The following DMXL1 variants were observed in gnomAD, a reference collection of about 807,000 sequenced individuals.
The protein encoded by DMXL1 is dmX-like protein 1.
DMXL1 carries 99 observed loss-of-function variants against 319.2 expected under a neutral mutation model. The ratio of observed to expected loss-of-function variants is 0.31; its 90% CI spans 0.26 to 0.37. The LOEUF is 0.37. Ranked by LOEUF, DMXL1 falls within the 10% of genes least tolerant of loss-of-function variation. The probability of loss-of-function intolerance (pLI) is 1.00; values close to 1 mark genes in which losing one functional copy is unlikely to be tolerated. For missense variants in DMXL1, 3,745 were observed against 3,595.6 expected (o/e 1.04, Z -1.06); for synonymous variants, 1,385 against 1,235.2 (o/e 1.12, Z -2.54).
At chr5:119,082,647 A>G (rs917256720) in intron 1 of DMXL1, among the ~76,000 whole-genome samples, 1 of 152,216 alleles carries the variant, frequency 6.6e-6, no homozygotes, top group African/African-American at 2.4e-5. Context: ...AATTTAATAC[A>G]TTCATATAAT....
intron 8 of DMXL1, among the ~76,000 whole-genome samples, chr5:119,119,342 C>T (rs1054290178): frequency 1.3e-5 from 2 of 152,106 alleles, no homozygotes; most frequent in African/African-American, 4.8e-5. Flanking sequence ...GTAGTTTGTC[C>T]TATTCTGTTC....
chr5:119,149,296 G>A lies in DMXL1; in HGVS notation c.3469G>A (p.Gly1157Arg). The A allele has an allele frequency of 1.2e-6, 2 of 1,613,968 alleles. No individual in the cohort carries two copies. Among genetic ancestry groups the A allele is most frequent in the Non-Finnish European group, 1.7e-6 (2 of 1,179,898 alleles). ...REDGSHILTV[G>R]IGSKLFMYGP... Reference sequence around the variant, plus strand: ...AGACGGTTCTCATATCCTGACTGTAGGAATTGGATCAAAACTTTTTATGTA... The same window carrying A: ...AGACGGTTCTCATATCCTGACTGTAAGAATTGGATCAAAACTTTTTATGTA... The change falls in exon 18 of 44, where the codon GGA becomes AGA. Residue 1157 changes from glycine to arginine, a missense_variant. Coordinates refer to ENST00000539542, the MANE Select transcript of DMXL1 (RefSeq NM_001290321.3).
At chr5:119,236,034 C>T (rs1362064526) in intron 39 of DMXL1, among the ~76,000 whole-genome samples, 2 of 151,718 alleles carry the variant, frequency 1.3e-5, no homozygotes, top group Non-Finnish European at 2.9e-5. Flanking sequence ...GGTTAATATT[C>T]ATAATATTAG....
At chr5:119,090,565 T>C (rs868246029) in intron 1 of DMXL1, among the ~76,000 whole-genome samples, 2 of 151,122 alleles carry the variant, frequency 1.3e-5, no homozygotes, top group Non-Finnish European at 3.0e-5. Context: ...CTCTGTTTTT[T>C]TTTTTTTTTT....
Position 119,116,251 on chromosome 5 carries a change from G to A in DMXL1, c.658G>A (p.Glu220Lys), listed in dbSNP as rs1192919260. The change falls in exon 7 of 44, where the codon GAA becomes AAA. Residue 220 changes from glutamate (E) to lysine (K), a missense_variant. This residue lies in a region of DMXL1 where 2,096 missense variants were observed against 1,985.4 expected (regional missense o/e 1.06). Transcript: ENST00000539542. ...AAGTTCAGAAAAACAATCCCAAGGA[G>A]AAATTGACTTTTCTTTTGTGTATCT... ...DGSSEKQSQG[E>K]IDFSFVYLAH... The A allele has an allele frequency of 3.1e-6, 5 of 1,614,048 alleles. No individual in the cohort carries two copies. Among genetic ancestry groups the A allele is most frequent in the Non-Finnish European group, 2.5e-6 (3 of 1,179,992 alleles).
chr5:119,156,545 T>G (rs1182766600), intron 19 of DMXL1, among the ~76,000 whole-genome samples: 1 of 152,212 alleles, frequency 6.6e-6, no homozygotes, highest in East Asian at 1.9e-4. Context: ...GAAGAAAACT[T>G]CACTTAACAT....
At chr5:119,111,533 T>C (rs1270132010) in intron 5 of DMXL1, among the ~76,000 whole-genome samples, 1 of 152,244 alleles carries the variant, frequency 6.6e-6, no homozygotes, top group Non-Finnish European at 1.5e-5. Context: ...GTTATATTGC[T>C]GTTCGACAAG....
At chr5:119,225,954 A>G (rs1301914048) in intron 38 of DMXL1, among the ~76,000 whole-genome samples, 2 of 152,188 alleles carry the variant, frequency 1.3e-5, no homozygotes, top group African/African-American at 4.8e-5. Context: ...AATACTTGAT[A>G]TTGCTTAAAA....
intron 28 of DMXL1, among the ~76,000 whole-genome samples, chr5:119,188,089 C>G (rs1778063148): frequency 6.6e-6 from 1 of 152,120 alleles, no homozygotes; most frequent in Non-Finnish European, 1.5e-5. Flanking sequence ...ATGTTTCTGT[C>G]TTTAAAAACT....
intron 26 of DMXL1, among the ~76,000 whole-genome samples, chr5:119,176,190 G>T (rs1343761244): frequency 6.6e-6 from 1 of 151,864 alleles, no homozygotes. Context: ...TTTAGTATTT[G>T]CTTCTGTTTC....
intron 28 of DMXL1, among the ~76,000 whole-genome samples, chr5:119,180,394 T>G (rs750552893): frequency 7.2e-5 from 11 of 152,118 alleles, no homozygotes; most frequent in Non-Finnish European, 1.6e-4. Context: ...CTAACATGAC[T>G]TCTCCAGAAA....
At chr5:119,154,059 A>G (rs191920849) in intron 19 of DMXL1, among the ~76,000 whole-genome samples, 2 of 152,342 alleles carry the variant, frequency 1.3e-5, no homozygotes, top group African/African-American at 4.8e-5. Context: ...AATTTAATCA[A>G]TAAATGTTGT....
chr5:119,090,812 G>A (rs927661756), intron 1 of DMXL1, among the ~76,000 whole-genome samples: 2 of 151,660 alleles, frequency 1.3e-5, no homozygotes, highest in African/African-American at 2.4e-5. Context: ...TGATCAGCCC[G>A]CCTTGGCCTC....
chr5:119,135,135 C>T (rs1161774409), intron 13 of DMXL1, among the ~76,000 whole-genome samples: 1 of 151,922 alleles, frequency 6.6e-6, no homozygotes, highest in Non-Finnish European at 1.5e-5. Flanking sequence ...CAAGGTTTTC[C>T]AAAGCATGTA....
chr5:119,171,785 C>A lies in DMXL1; in HGVS notation c.6497C>A (p.Ser2166Ter). Residue 2166 changes from serine to a stop codon, truncating the protein, a stop_gained, in exon 25 of 44, where the codon TCA (serine) becomes TAA (stop). Coordinates refer to ENST00000539542, the MANE Select transcript of DMXL1 (RefSeq NM_001290321.3). LOFTEE classifies it high-confidence loss of function. ...LLLQESQQET[S>*]EPLFSSPLSE... ...TCCCTCTTTGTTTTTAAGGAAACAT[C>A]AGAACCACTATTTTCTAGCCCTCTG... 2 of 1,609,422 alleles carry A rather than the reference C, an allele frequency of 1.2e-6. No individual in the cohort carries two copies. Among genetic ancestry groups the A allele is most frequent in the Non-Finnish European group, 1.7e-6 (2 of 1,178,006 alleles).
chr5:119,136,734 G>A (rs984489986), intron 13 of DMXL1, among the ~76,000 whole-genome samples: 2 of 152,246 alleles, frequency 1.3e-5, no homozygotes, highest in African/African-American at 4.8e-5. Context: ...CCCAAGCCTT[G>A]GCAGCTGCCA....
At chr5:119,222,428 AG>A (rs1784803194) in intron 37 of DMXL1, among the ~76,000 whole-genome samples, 1 of 152,212 alleles carries the variant, frequency 6.6e-6, no homozygotes, top group Admixed American at 6.5e-5. Flanking sequence ...TAATTTTTCC[AG>A]CTGACAGATA....
At chr5:119,112,778 G>A (rs534214106) in intron 5 of DMXL1, among the ~76,000 whole-genome samples, 2 of 152,080 alleles carry the variant, frequency 1.3e-5, no homozygotes, top group Non-Finnish European at 2.9e-5. Flanking sequence ...CCACCATGGC[G>A]AAACCCCGTC....
chr5:119,202,490 C>A (rs558651184), intron 32 of DMXL1, among the ~76,000 whole-genome samples: 1 of 152,208 alleles, frequency 6.6e-6, no homozygotes, highest in Admixed American at 6.5e-5. Context: ...TTTTTGAGTA[C>A]CAACATGATG....
Sources: allele counts gnomAD v4.1 joint callset (sites outside exome capture counted in the v4.1 genomes callset), GRCh38; gene constraint gnomAD v4.1.1; regional missense constraint gnomAD v4.1.1; transcripts MANE v1.5; gene names NCBI Gene and HGNC (gene_info 2026-07-23, HGNC 2026-07-21).